Variants in L3MBTL4 observed in about 807,000 individuals in gnomAD.
The protein encoded by L3MBTL4 is lethal(3)malignant brain tumor-like protein 4.
In L3MBTL4, 70 loss-of-function variants were observed where a neutral mutation model predicts 84.5. The ratio of observed to expected loss-of-function variants is 0.83; its 90% CI spans 0.68 to 1.01. The LOEUF is 1.01. Ranked by LOEUF, L3MBTL4 falls within the 50% of genes least tolerant of loss-of-function variation. The pLI is 0.00. For synonymous variants in L3MBTL4, 274 were observed against 259.8 expected (o/e 1.05, Z -0.52); for missense variants, 715 against 754.8 (o/e 0.95, Z 0.62).
rs148695091 is a variant in L3MBTL4, at chr18:6,184,001, A to T, written c.982-12059T>A. The stretch of plus-strand genomic sequence containing the variant: ...AGGAACCTTGAACAACATGATGGAC[A>T]ATATGATATAGTGCCTGCACAATAA... On this transcript the variant is annotated intron_variant, in intron 12 of 18. Transcript: ENST00000317931. Among the ~76,000 whole-genome samples, 336 of 152,354 alleles carry T rather than the reference A, an allele frequency of 2.2e-3. 4 individuals are homozygous for T. The highest frequency in any genetic ancestry group is 7.7e-3 in the African/African-American group (321 of 41,590).
chr18:6,226,070 T>C (rs2145934215), intron 10 of L3MBTL4, among the ~76,000 whole-genome samples: 1 of 152,170 alleles, frequency 6.6e-6, no homozygotes, highest in Non-Finnish European at 1.5e-5. Context: ...ATGGTGAACA[T>C]AAAGGTAAAA....
chr18:6,066,392 G>C (rs2057400263), intron 16 of L3MBTL4, among the ~76,000 whole-genome samples: 2 of 152,084 alleles, frequency 1.3e-5, no homozygotes. Context: ...TATAGTTTAA[G>C]TCTGGTGTTT....
At chr18:6,012,300 T>C (rs2054774959) in intron 16 of L3MBTL4, among the ~76,000 whole-genome samples, 1 of 152,176 alleles carries the variant, frequency 6.6e-6, no homozygotes, top group Admixed American at 6.5e-5. Context: ...TAGTTATGTT[T>C]GCCAACTGAT....
intron 15 of L3MBTL4, among the ~76,000 whole-genome samples, chr18:6,090,788 C>G (rs1243730545): frequency 8.2e-6 from 1 of 121,994 alleles, no homozygotes; most frequent in Non-Finnish European, 1.6e-5. Flanking sequence ...CCACACCCAC[C>G]TATTTTTTTT....
intron 1 of L3MBTL4, among the ~76,000 whole-genome samples, chr18:6,362,721 C>T (rs1005597409): frequency 6.6e-6 from 1 of 152,222 alleles, no homozygotes; most frequent in Non-Finnish European, 1.5e-5. Flanking sequence ...CTTACAACAT[C>T]TTAGTAACAA....
chr18:6,311,120 C>A (rs1000310574), intron 3 of L3MBTL4, among the ~76,000 whole-genome samples: 3 of 151,562 alleles, frequency 2.0e-5, no homozygotes, highest in African/African-American at 7.3e-5. Context: ...TAAGATAAGT[C>A]TCTCTCTCTC....
At chr18:6,030,835 C>T (rs547493854) in intron 16 of L3MBTL4, 106 of 985,070 alleles carry the variant, frequency 1.1e-4, no homozygotes, top group Non-Finnish European at 1.2e-4. Context: ...TTAAAACAGG[C>T]ACACTAACAT....
At chr18:6,151,662 T>C (rs1039363517) in intron 13 of L3MBTL4, among the ~76,000 whole-genome samples, 1 of 152,200 alleles carries the variant, frequency 6.6e-6, no homozygotes, top group Non-Finnish European at 1.5e-5. Flanking sequence ...CCCAAAGTGC[T>C]GGGATTACAG....
chr18:5,964,047 T>TG (rs1049461722), intron 17 of L3MBTL4, among the ~76,000 whole-genome samples: 30 of 152,212 alleles, frequency 2.0e-4, no homozygotes, highest in African/African-American at 7.2e-4. Context: ...CCTGGTGGCA[T>TG]GGGGGCTGCC....
chr18:6,230,699 T>C (rs761126516), intron 10 of L3MBTL4, among the ~76,000 whole-genome samples: 2 of 152,158 alleles, frequency 1.3e-5, no homozygotes, highest in South Asian at 2.1e-4. Flanking sequence ...CTAATTTACA[T>C]TCCCACCCGC....
chr18:6,343,401 T>C (rs746636096), intron 1 of L3MBTL4, among the ~76,000 whole-genome samples: 3 of 152,132 alleles, frequency 2.0e-5, no homozygotes, highest in South Asian at 2.1e-4. Flanking sequence ...CGGTGGCTCA[T>C]GCCTGTAATC....
At chr18:5,978,667 G>A (rs1297000506) in intron 16 of L3MBTL4, among the ~76,000 whole-genome samples, 3 of 152,144 alleles carry the variant, frequency 2.0e-5, no homozygotes, top group Non-Finnish European at 4.4e-5. Context: ...AAACTGAAAG[G>A]CCCTACTCCC....
At chr18:6,402,910 T>A (rs963784907) in intron 1 of L3MBTL4, among the ~76,000 whole-genome samples, 3 of 152,222 alleles carry the variant, frequency 2.0e-5, no homozygotes, top group Non-Finnish European at 4.4e-5. Context: ...CTTTCATCAC[T>A]GCAAATAATC....
intron 14 of L3MBTL4, among the ~76,000 whole-genome samples, chr18:6,095,303 C>G (rs996477238): frequency 1.3e-5 from 2 of 150,752 alleles, no homozygotes; most frequent in African/African-American, 4.9e-5. Flanking sequence ...CAAAACAAAT[C>G]ACTTAACTAT....
intron 1 of L3MBTL4, among the ~76,000 whole-genome samples, chr18:6,398,843 G>A (rs889426406): frequency 2.0e-5 from 3 of 152,042 alleles, no homozygotes; most frequent in Non-Finnish European, 4.4e-5. Context: ...CAGGCACCAT[G>A]AGCCACCACT....
At chr18:6,282,302 GC>G (rs1348018583) in intron 4 of L3MBTL4, among the ~76,000 whole-genome samples, 1 of 152,158 alleles carries the variant, frequency 6.6e-6, no homozygotes, top group Non-Finnish European at 1.5e-5. Flanking sequence ...CTAAGTAAGT[GC>G]TTTTACAGAA....
chr18:6,019,013 T>C (rs1173633945), intron 16 of L3MBTL4, among the ~76,000 whole-genome samples: 1 of 152,210 alleles, frequency 6.6e-6, no homozygotes, highest in Non-Finnish European at 1.5e-5. Context: ...ATCAAAAAGA[T>C]AGGCTTATAG....
intron 12 of L3MBTL4, among the ~76,000 whole-genome samples, chr18:6,202,578 G>T (rs917558938): frequency 9.9e-5 from 15 of 152,014 alleles, no homozygotes; most frequent in Non-Finnish European, 2.1e-4. Context: ...GCAATCAAGG[G>T]GACTGCAGTC....
chr18:5,971,093 T>C (rs758904001), intron 16 of L3MBTL4, among the ~76,000 whole-genome samples: 1 of 152,214 alleles, frequency 6.6e-6, no homozygotes, highest in Non-Finnish European at 1.5e-5. Context: ...AAATAGGTTA[T>C]CTCTTCTGTG....
Sources: gnomAD v4.1 joint callset for allele counts (sites outside exome capture counted in the v4.1 genomes callset) on GRCh38, gnomAD v4.1.1 for gene constraint, MANE v1.5 for transcripts, NCBI Gene and HGNC (gene_info 2026-07-23, HGNC 2026-07-21) for gene names.